The following ZHX3 variants were observed in gnomAD, a reference collection of about 807,000 sequenced individuals.
ZHX3 encodes zinc fingers and homeoboxes protein 3.
In ZHX3, 20 loss-of-function variants were observed where a neutral mutation model predicts 64.5. The ratio of observed to expected loss-of-function variants is 0.31; its 90% CI spans 0.22 to 0.45. The LOEUF is 0.45. ZHX3 is among the 20% of genes least tolerant of loss of function. ZHX3 has a pLI of 1.00. For synonymous variants in ZHX3, 423 were observed against 461.6 expected, an observed-to-expected ratio of 0.92 and a Z score of 1.07; for missense variants, 1,041 against 1,195.8, an observed-to-expected ratio of 0.87 and a Z score of 1.91.
chr20:41,302,464 T>C (rs2044851383), intron 1 of ZHX3, among the ~76,000 whole-genome samples: 1 of 152,214 alleles, frequency 6.6e-6, no homozygotes, highest in Admixed American at 6.5e-5. Context: ...CCCTTGGCCC[T>C]TCCCGAACTC....
At position 41,278,347 on chromosome 20, in the gene ZHX3, G is replaced by GA. The variant is rs565795551; in HGVS notation, c.-244-9265_-244-9264insT. Among the ~76,000 whole-genome samples the GA allele has an allele frequency of 2.7e-3, 347 of 128,548 alleles. 49 individuals are homozygous for GA. Among genetic ancestry groups the GA allele is most frequent in the East Asian group, 7.8e-3 (32 of 4,122 alleles). The allele number at this position is 128,548 out of a possible 152,430, so 84.3% of individuals were successfully genotyped here. A position where few individuals can be genotyped will look rare whatever the true frequency, so the allele number is the denominator to read the frequency against. ...TGACAGAGAGAGACCCTGTCTTGAAGGAAAAAAAAAAAGATTATAGTTGGG... is the reference window on the plus strand; with the variant it reads ...TGACAGAGAGAGACCCTGTCTTGAAGAGAAAAAAAAAAAGATTATAGTTGGG... On this transcript the variant is annotated intron_variant, in intron 1 of 3. Coordinates refer to ENST00000683867, the MANE Select transcript of ZHX3 (RefSeq NM_001384317.1).
At chr20:41,231,491 G>A (rs1600433204) in intron 2 of ZHX3, among the ~76,000 whole-genome samples, 3 of 152,102 alleles carry the variant, frequency 2.0e-5, no homozygotes, top group African/African-American at 4.8e-5. Flanking sequence ...ATTCAAATAC[G>A]ACATCTTTAG....
chr20:41,286,099 T>C (rs2043923238), intron 1 of ZHX3, among the ~76,000 whole-genome samples: 1 of 152,142 alleles, frequency 6.6e-6, no homozygotes, highest in African/African-American at 2.4e-5. Context: ...TAAAGACAAA[T>C]AGAAAGCACG....
chr20:41,313,818 G>C (rs1034721860), intron 1 of ZHX3, among the ~76,000 whole-genome samples: 1 of 152,032 alleles, frequency 6.6e-6, no homozygotes, highest in Non-Finnish European at 1.5e-5. Context: ...GGATGGTCTC[G>C]ATCTCCTGAC....
At chr20:41,246,788 A>G (rs1476193961) in intron 2 of ZHX3, among the ~76,000 whole-genome samples, 1 of 151,314 alleles carries the variant, frequency 6.6e-6, no homozygotes, top group African/African-American at 2.4e-5. Flanking sequence ...CAGGAGAATC[A>G]CTCGAACCCA....
chr20:41,206,943 C>T (rs542249305), intron 2 of ZHX3, among the ~76,000 whole-genome samples: 28 of 152,240 alleles, frequency 1.8e-4, no homozygotes, highest in East Asian at 5.8e-4. Flanking sequence ...AGAATAACAG[C>T]GGATCTCTCG....
Position 41,204,355 on chromosome 20 carries a change from T to C in ZHX3, c.562A>G (p.Lys188Glu). 6.2e-7 allele frequency: 1 copy of C among 1,614,220 alleles called. No homozygotes were observed. Among genetic ancestry groups the C allele is most frequent in the Non-Finnish European group, 8.5e-7 (1 of 1,180,038 alleles). ...GCTTCAGCTTTGCCTTTCATTATCTTCATGATTGGAGTTTTGGTAATGATG... is the reference window on the plus strand; with the variant it reads ...GCTTCAGCTTTGCCTTTCATTATCTCCATGATTGGAGTTTTGGTAATGATG... ...EIIITKTPIM[K>E]IMKGKAEAKK... Residue 188 changes from lysine to glutamate, a missense_variant, in exon 3 of 4, where the codon AAG becomes GAG. Lys to Glu is a moderately conservative substitution (Grantham distance 56). Transcript: ENST00000683867. This position sits in a 1 kb window ranked among gnomAD's most constrained non-coding sequence, Gnocchi z 6.6.
At chr20:41,260,516 C>T (rs1179595462) in intron 2 of ZHX3, among the ~76,000 whole-genome samples, 4 of 152,166 alleles carry the variant, frequency 2.6e-5, no homozygotes, top group Non-Finnish European at 5.9e-5. Context: ...TGTTGAACTC[C>T]TTAAAAACTT....
intron 1 of ZHX3, among the ~76,000 whole-genome samples, chr20:41,293,219 T>C (rs1021709176): frequency 2.0e-5 from 3 of 152,186 alleles, no homozygotes; most frequent in African/African-American, 7.2e-5. Context: ...AGAAAACTTG[T>C]TACAAAGGCA....
At chr20:41,225,031 C>T (rs1249684776) in intron 2 of ZHX3, among the ~76,000 whole-genome samples, 1 of 152,210 alleles carries the variant, frequency 6.6e-6, no homozygotes, top group East Asian at 1.9e-4. Flanking sequence ...AGCACAATGT[C>T]TGGCACATAA....
chr20:41,201,968 T>C lies in ZHX3; in HGVS notation c.2860+89A>G. The C allele has an allele frequency of 6.9e-7, 1 of 1,442,030 alleles. No individual in the cohort carries two copies. Among genetic ancestry groups the C allele is most frequent in the South Asian group, 1.5e-5 (1 of 67,984 alleles). The allele number at this position is 1,442,030 out of a possible 1,614,324, so 89.3% of individuals were successfully genotyped here. ...GCCAGGCAGCCTTAGAGACAGCAGA[T>C]GCCCCTGTGCAGTAAATTCAGTGCC... On this transcript the variant is annotated intron_variant, in intron 3 of 3. Coordinates refer to ENST00000683867, the MANE Select transcript of ZHX3 (RefSeq NM_001384317.1). The surrounding 1 kb of genome is among the most constrained non-coding windows in gnomAD (Gnocchi z 5.0).
chr20:41,210,974 T>C (rs921800790), intron 2 of ZHX3, among the ~76,000 whole-genome samples: 1 of 152,302 alleles, frequency 6.6e-6, no homozygotes, highest in Admixed American at 6.5e-5. Context: ...CCCTTACCTG[T>C]GAATTTAGAT....
At chr20:41,292,862 T>C (rs2044319397) in intron 1 of ZHX3, among the ~76,000 whole-genome samples, 1 of 152,266 alleles carries the variant, frequency 6.6e-6, no homozygotes, top group African/African-American at 2.4e-5. Context: ...CTTTATCAGA[T>C]GTCCAGATGA....
intron 3 of ZHX3, among the ~76,000 whole-genome samples, chr20:41,196,170 A>G (rs1224179590): frequency 6.8e-6 from 1 of 148,136 alleles, no homozygotes; most frequent in African/African-American, 2.5e-5. Flanking sequence ...TATATCCATT[A>G]TCGGACATGG....
In ZHX3 at chr20:41,179,048, G is replaced by C. The variant is rs907594068; in HGVS notation, c.*6143C>G. The stretch of plus-strand genomic sequence containing the variant: ...AAGACCAAAATGCAAATGGGTGCTA[G>C]AAAACCAGGAATCAAGACCTTGTCA... On this transcript the variant is annotated 3_prime_UTR_variant, in exon 4 of 4. Coordinates refer to ENST00000683867, the MANE Select transcript of ZHX3 (RefSeq NM_001384317.1). The surrounding 1 kb of genome is among the most constrained non-coding windows in gnomAD (Gnocchi z 4.3). 1.3e-5 allele frequency: 2 copies of C among 152,658 alleles called. No homozygotes were observed. The highest frequency in any genetic ancestry group is 4.8e-5 in the African/African-American group (2 of 41,440). The allele number at this position is 152,658 out of a possible 1,614,324, so 9.5% of individuals were successfully genotyped here. A position where few individuals can be genotyped will look rare whatever the true frequency, so the allele number is the denominator to read the frequency against.
chr20:41,197,026 G>T lies in ZHX3; in HGVS notation c.2860+5031C>A, dbSNP rs139999897. The T allele has an allele frequency of 1.2e-4, 25 of 203,694 alleles. No individual in the cohort carries two copies. In the East Asian group the frequency reaches 2.1e-3, roughly 18 times the overall value. 12.6% of individuals were successfully genotyped at this position (203,694 alleles called of 1,614,324 possible). A position where few individuals can be genotyped will look rare whatever the true frequency, so the allele number is the denominator to read the frequency against. On this transcript the variant is annotated intron_variant, in intron 3 of 3. Coordinates refer to ENST00000683867, the MANE Select transcript of ZHX3 (RefSeq NM_001384317.1). ...AAGCCAAAAAGTACCAGGTCAGGCT[G>T]TGAAGCAGCTCTATGACACTGATGT...
At chr20:41,290,116 G>C (rs1231939283) in intron 1 of ZHX3, among the ~76,000 whole-genome samples, 2 of 152,192 alleles carry the variant, frequency 1.3e-5, no homozygotes, top group African/African-American at 4.8e-5. Context: ...GAACTCCACA[G>C]TCTTCCTTTA....
chr20:41,285,383 T>C (rs999113768), intron 1 of ZHX3, among the ~76,000 whole-genome samples: 5 of 152,214 alleles, frequency 3.3e-5, no homozygotes, highest in African/African-American at 7.2e-5. Flanking sequence ...ATAATACTAA[T>C]GTTGGTGTTA....
At chr20:41,235,270 A>G (rs940850568) in intron 2 of ZHX3, among the ~76,000 whole-genome samples, 2 of 152,170 alleles carry the variant, frequency 1.3e-5, no homozygotes, top group Non-Finnish European at 1.5e-5. Flanking sequence ...GTAGAATAGA[A>G]AACATGTTTT....
Sources: allele counts gnomAD v4.1 joint callset (sites outside exome capture counted in the v4.1 genomes callset), GRCh38; gene constraint gnomAD v4.1.1; non-coding constraint Gnocchi (gnomAD v3.1); transcripts MANE v1.5; gene names NCBI Gene and HGNC (gene_info 2026-07-23, HGNC 2026-07-21).